The following DUSP1 variants were observed in gnomAD, a reference collection of about 807,000 sequenced individuals.
DUSP1 encodes dual specificity phosphatase 1, also known as dual specificity protein phosphatase 1.
In DUSP1, 10 loss-of-function variants were observed where a neutral mutation model predicts 27.4. The ratio of observed to expected loss-of-function variants is 0.37; its 90% confidence interval spans 0.23 to 0.62. The LOEUF (loss-of-function observed/expected upper bound fraction) is 0.62. Among genes scored for constraint, DUSP1 ranks in the 20% least tolerant of loss-of-function variants. The probability of loss-of-function intolerance (pLI) is 0.68; values close to 1 mark genes in which losing one functional copy is unlikely to be tolerated. For synonymous variants in DUSP1, 262 were observed against 223.6 expected, an observed-to-expected ratio of 1.17 and a Z score of -1.53; for missense variants, 425 against 508.1, an observed-to-expected ratio of 0.84 and a Z score of 1.57.
Position 172,769,752 on chromosome 5 carries a change from C to T in DUSP1, c.556G>A (p.Ala186Thr). Residue 186 changes from alanine to threonine, a missense_variant, in exon 3 of 4, where the codon GCG (alanine) becomes ACG (threonine). Around this residue, in one of 3 missense-constraint regions of DUSP1, gnomAD observed 282 missense variants for 319.3 expected, o/e 0.88. Coordinates refer to ENST00000239223, the MANE Select transcript of DUSP1 (RefSeq NM_004417.4). ...EILPFLYLGS[A>T]YHASRKDMLD... ...ATGTCCTTGCGGGAAGCGTGATACG[C>T]ACTGCCCAGGTACAGAAAGGGCAGG... 6.2e-7 allele frequency: 1 copy of T among 1,614,262 alleles called. No homozygotes were observed. Among genetic ancestry groups the T allele is most frequent in the Non-Finnish European group, 8.5e-7 (1 of 1,180,058 alleles).
chr5:172,771,028 C>A lies in DUSP1; in HGVS notation c.-76G>T. 1.5e-6 allele frequency: 2 copies of A among 1,305,804 alleles called. No individual in the cohort carries two copies. Among genetic ancestry groups the A allele is most frequent in the Non-Finnish European group, 2.0e-6 (2 of 1,024,954 alleles). The allele number at this position is 1,305,804 out of a possible 1,614,324, so 80.9% of individuals were successfully genotyped here. ...GTTCTCGGGGCCAAGGGCAGGGCGG[C>A]GCTTTTCGAGGAAAAGCTAGACCCC... On this transcript the variant is annotated 5_prime_UTR_variant, in exon 1 of 4. Transcript: ENST00000239223.
In DUSP1 at chr5:172,768,867, G is replaced by A. The variant is rs1283076146; in HGVS notation, c.999C>T (p.Thr333=). The A allele has an allele frequency of 2.5e-6, 4 of 1,609,006 alleles. No individual in the cohort carries two copies. The highest frequency in any genetic ancestry group is 3.4e-5 in the Admixed American group (2 of 59,684). ...GGAAGTTGAACACGGTGGTGGTGGA[G>A]GTGCCTCGGTCGAGCACAGCCATGG... ...SPAMAVLDRG[T]STTTVFNFPV... is the part of the protein sequence containing the mutation. The change falls in exon 4 of 4, where the codon ACC becomes ACT. Residue 333 remains threonine (T), a synonymous_variant. Coordinates refer to ENST00000239223, the MANE Select transcript of DUSP1 (RefSeq NM_004417.4).
Position 172,771,055 on chromosome 5 carries a change from G to C in DUSP1, c.-103C>G, listed in dbSNP as rs1759888431. 1 of 1,310,068 alleles carries C rather than the reference G, an allele frequency of 7.6e-7. No individual in the cohort carries two copies. Among genetic ancestry groups the C allele is most frequent in the South Asian group, 1.9e-5 (1 of 52,084 alleles). The allele number at this position is 1,310,068 out of a possible 1,614,324, so 81.2% of individuals were successfully genotyped here. On this transcript the variant is annotated 5_prime_UTR_variant, in exon 1 of 4. Coordinates refer to ENST00000239223, the MANE Select transcript of DUSP1 (RefSeq NM_004417.4). ...CTTTTCGAGGAAAAGCTAGACCCCC[G>C]GGTCTCTCTGCGCCGAACCAAAAGC...
chr5:172,770,220 T>C lies in DUSP1; in HGVS notation c.454A>G (p.Ser152Gly). ...CCAGATTCCGCGCTGTCAGGGACGCTAGTACTCAGGGGAAGGCTGAGCCCC... is the reference window on the plus strand; with the variant it reads ...CCAGATTCCGCGCTGTCAGGGACGCCAGTACTCAGGGGAAGGCTGAGCCCC... ...PMGLSLPLST[S>G]VPDSAESGCS... The change falls in exon 2 of 4, where the codon AGC (serine) becomes GGC (glycine). Residue 152 changes from serine (S) to glycine (G), a missense_variant. By Grantham distance (56) the Ser-to-Gly change is moderately conservative (BLOSUM62 0). Transcript: ENST00000239223. The C allele has an allele frequency of 3.7e-6, 6 of 1,608,530 alleles. No individual in the cohort carries two copies. The highest frequency in any genetic ancestry group is 4.2e-6 in the Non-Finnish European group (5 of 1,178,372).
At position 172,770,865 on chromosome 5, in the gene DUSP1, G is replaced by C; in HGVS notation, c.88C>G (p.Arg30Gly). The change falls in exon 1 of 4, where the codon CGC (arginine) becomes GGC (glycine). Residue 30 changes from arginine to glycine, a missense_variant. Around this residue, in one of 3 missense-constraint regions of DUSP1, gnomAD observed 282 missense variants for 319.3 expected, o/e 0.88. Coordinates refer to ENST00000239223, the MANE Select transcript of DUSP1 (RefSeq NM_004417.4). ...CCGGCGTTGAAAGCGAAGAAGGAGC[G>C]GCAGTCCAGCAGCAGGCATTGCGCC... The part of the protein sequence containing the change: ...RAAQCLLLDC[R>G]SFFAFNAGHI... 6.5e-7 allele frequency: 1 copy of C among 1,530,550 alleles called. No homozygotes were observed. Among genetic ancestry groups the C allele is most frequent in the Non-Finnish European group, 8.7e-7 (1 of 1,143,938 alleles). The allele number at this position is 1,530,550 out of a possible 1,614,324, so 94.8% of individuals were successfully genotyped here. A position where few individuals can be genotyped will look rare whatever the true frequency, so the allele number is the denominator to read the frequency against.
At position 172,769,714 on chromosome 5, in the gene DUSP1, C is replaced by A; in HGVS notation, c.594G>T (p.Leu198Phe). 4 of 1,614,250 alleles carry A rather than the reference C, an allele frequency of 2.5e-6. No individual in the cohort carries two copies. Among genetic ancestry groups the A allele is most frequent in the Non-Finnish European group, 3.4e-6 (4 of 1,180,040 alleles). ...AGACGTTGATCAAGGCAGTGATGCCCAAGGCATCCAGCATGTCCTTGCGGG... is the reference window on the plus strand; with the variant it reads ...AGACGTTGATCAAGGCAGTGATGCCAAAGGCATCCAGCATGTCCTTGCGGG... ...HASRKDMLDA[L>F]GITALINVSA... Residue 198 changes from leucine to phenylalanine, a missense_variant, in exon 3 of 4, where the codon TTG becomes TTT. Leu to Phe is a conservative substitution (Grantham distance 22, BLOSUM62 0). This residue lies in a region of DUSP1 where 282 missense variants were observed against 319.3 expected (regional missense o/e 0.88). Transcript: ENST00000239223.
Position 172,770,906 on chromosome 5 carries a change from A to G in DUSP1, c.47T>C (p.Leu16Pro). 6.5e-7 allele frequency: 1 copy of G among 1,535,368 alleles called. No individual in the cohort carries two copies. The highest frequency in any genetic ancestry group is 2.5e-5 in the East Asian group (1 of 40,596). Residue 16 changes from leucine (L) to proline (P), a missense_variant, in exon 1 of 4, where the codon CTG becomes CCG. This residue lies in a region of DUSP1 where 282 missense variants were observed against 319.3 expected (regional missense o/e 0.88). Coordinates refer to ENST00000239223, the MANE Select transcript of DUSP1 (RefSeq NM_004417.4). ...GTLDAGGLRA[L>P]LGERAAQCLL... ...GCATTGCGCCGCTCGCTCCCCCAGC[A>G]GCGCCCGCAGGCCTCCAGCGTCCAG...
rs369007899 is a variant in DUSP1, at chr5:172,768,962, T to C, written c.904A>G (p.Met302Val). Residue 302 changes from methionine (M) to valine (V), a missense_variant, in exon 4 of 4, where the codon ATG becomes GTG. Around this residue, in one of 3 missense-constraint regions of DUSP1, gnomAD observed 59 missense variants for 108.4 expected, o/e 0.54. Transcript: ENST00000239223. ...GACTCAAACTGCAGCAGCTGGCCCA[T>C]GAAGCTGAAGTTGGGAGAGATGATG... ...RSIISPNFSF[M>V]GQLLQFESQV... 2.5e-6 allele frequency: 4 copies of C among 1,614,080 alleles called. No homozygotes were observed. The African/African-American group carries it at 4.0e-5, about 16-fold the overall frequency.
rs188553172 is a variant in DUSP1, at chr5:172,768,807, C to T, written c.1059G>A (p.Ala353=). ...TAATGGGGCTCTGAAGGTAGCTCAGCGCACTGTTCGTGGAGTGGACAGGGA... is the reference window on the plus strand; with the variant it reads ...TAATGGGGCTCTGAAGGTAGCTCAGTGCACTGTTCGTGGAGTGGACAGGGA... ...VSIPVHSTNS[A]LSYLQSPITT... Residue 353 remains alanine, a synonymous_variant, in exon 4 of 4, where the codon GCG becomes GCA. Transcript: ENST00000239223. 30 of 1,553,798 alleles carry T rather than the reference C, an allele frequency of 1.9e-5. No individual in the cohort carries two copies. Among genetic ancestry groups the T allele is most frequent in the South Asian group, 3.7e-5 (3 of 81,174 alleles).
Position 172,770,588 on chromosome 5 carries a change from T to G in DUSP1, c.365A>C (p.Lys122Thr). ...EARAAQVFFLKGGYEAFSASC... is the reference protein window; with the variant it reads ...EARAAQVFFLTGGYEAFSASC... ...CCCGAGCTTCCCCGAGGGCGTACCT[T>G]TGAGGAAGAAGACTTGCGCGGCGCG... Residue 122 changes from lysine (K) to threonine (T), a missense_variant and splice_region_variant, in exon 1 of 4, where the codon AAA (lysine) becomes ACA (threonine). By Grantham distance (78) the Lys-to-Thr change is moderately conservative. Transcript: ENST00000239223. 7 of 1,384,396 alleles carry G rather than the reference T, an allele frequency of 5.1e-6. No homozygotes were observed. The highest frequency in any genetic ancestry group is 6.5e-6 in the Non-Finnish European group (7 of 1,076,796). 85.8% of individuals were successfully genotyped at this position (1,384,396 alleles called of 1,614,324 possible).
At position 172,770,465 on chromosome 5, in the gene DUSP1, A is replaced by G. The variant is rs547362788; in HGVS notation, c.367+121T>C. On this transcript the variant is annotated intron_variant, in intron 1 of 3. Transcript: ENST00000239223. ...ACAAAGCCAATGACAAGTTCCAGAG[A>G]TAAATGTACTCCAGCGCCCACGCGC... 2.0e-6 allele frequency: 3 copies of G among 1,515,476 alleles called. No individual in the cohort carries two copies. In the East Asian group the frequency reaches 7.5e-5, roughly 38 times the overall value. 93.9% of individuals were successfully genotyped at this position (1,515,476 alleles called of 1,614,324 possible).
chr5:172,769,076 G>A lies in DUSP1; in HGVS notation c.790C>T (p.Arg264Trp), dbSNP rs1323192040. The A allele has an allele frequency of 7.4e-6, 12 of 1,613,694 alleles. No individual in the cohort carries two copies. Among genetic ancestry groups the A allele is most frequent in the Non-Finnish European group, 9.3e-6 (11 of 1,180,038 alleles). ...TAAGCAAGGCAGATGGTGGCTGACCGGGAAATGCCTGCCTGGCAGTGGACA... is the reference window on the plus strand; with the variant it reads ...TAAGCAAGGCAGATGGTGGCTGACCAGGAAATGCCTGCCTGGCAGTGGACA... ...VFVHCQAGIS[R>W]SATICLAYLM... The change falls in exon 4 of 4, where the codon CGG (arginine) becomes TGG (tryptophan). Residue 264 changes from arginine (R) to tryptophan (W), a missense_variant. By Grantham distance (101) the Arg-to-Trp change is moderately radical. Transcript: ENST00000239223.
At position 172,769,591 on chromosome 5, in the gene DUSP1, C is replaced by T. The variant is rs571697121; in HGVS notation, c.717G>A (p.Glu239=). 3.1e-6 allele frequency: 5 copies of T among 1,614,162 alleles called. No homozygotes were observed. Among genetic ancestry groups the T allele is most frequent in the African/African-American group, 1.3e-5 (1 of 75,010 alleles). Residue 239 remains glutamate, a synonymous_variant, in exon 3 of 4, where the codon GAG becomes GAA. Coordinates refer to ENST00000239223, the MANE Select transcript of DUSP1 (RefSeq NM_004417.4). ...TCCATTTACCTATGAAGTCAATGGC[C>T]TCGTTGAACCAGGAGCTGATGTCTG... is the stretch of plus-strand genomic sequence containing the variant. The part of the protein sequence containing the change: ...HKADISSWFN[E]AIDFIDSIKN...
In DUSP1 at chr5:172,770,204, G is replaced by A. The variant is rs1291141411; in HGVS notation, c.470C>T (p.Ala157Val). ...ACTGCAGGAACTGCACCCAGATTCC[G>A]CGCTGTCAGGGACGCTAGTACTCAG... is the stretch of plus-strand genomic sequence containing the variant. ...LPLSTSVPDS[A>V]ESGCSSCSTP... The change falls in exon 2 of 4, where the codon GCG becomes GTG. Residue 157 changes from alanine to valine, a missense_variant. By Grantham distance (64) the Ala-to-Val change is moderately conservative. Coordinates refer to ENST00000239223, the MANE Select transcript of DUSP1 (RefSeq NM_004417.4). 1.9e-6 allele frequency: 3 copies of A among 1,599,616 alleles called. No homozygotes were observed. Among genetic ancestry groups the A allele is most frequent in the Admixed American group, 1.8e-5 (1 of 55,142 alleles).
chr5:172,770,909 G>A lies in DUSP1; in HGVS notation c.44C>T (p.Ala15Val). The A allele has an allele frequency of 5.2e-6, 8 of 1,534,724 alleles. No individual in the cohort carries two copies. The highest frequency in any genetic ancestry group is 7.0e-6 in the Non-Finnish European group (8 of 1,147,490). Residue 15 changes from alanine to valine, a missense_variant, in exon 1 of 4, where the codon GCG becomes GTG. This residue lies in a region of DUSP1 where 282 missense variants were observed against 319.3 expected (regional missense o/e 0.88). Coordinates refer to ENST00000239223, the MANE Select transcript of DUSP1 (RefSeq NM_004417.4). Reference sequence around the variant, plus strand: ...TTGCGCCGCTCGCTCCCCCAGCAGCGCCCGCAGGCCTCCAGCGTCCAGGGT... The same window carrying A: ...TTGCGCCGCTCGCTCCCCCAGCAGCACCCGCAGGCCTCCAGCGTCCAGGGT... ...VGTLDAGGLR[A>V]LLGERAAQCL...
intron 1 of DUSP1, 30 bp from the exon 2 acceptor site, chr5:172,770,336 A>G (rs1437294124): frequency 1.4e-5 from 22 of 1,609,900 alleles, no homozygotes; most frequent in Non-Finnish European, 1.9e-5. Context: ...TTTTTTCCCC[A>G]TTAGTGACAC....
In DUSP1 at chr5:172,768,325, A is replaced by AGGTATTT. The variant is rs1212907011; in HGVS notation, c.*430_*436dup. ...GTACAGTACTCAAAAACAAAAATTG[A>AGGTATTT]GGTATTTGGTTCTTCTAGGAGTAGA... On this transcript the variant is annotated 3_prime_UTR_variant, in exon 4 of 4. Transcript: ENST00000239223. 1.9e-5 allele frequency: 3 copies of AGGTATTT among 154,900 alleles called. No homozygotes were observed. The highest frequency in any genetic ancestry group is 7.2e-5 in the African/African-American group (3 of 41,532). 9.6% of individuals were successfully genotyped at this position (154,900 alleles called of 1,614,324 possible).
At chr5:172,769,521 T>C in intron 3 of DUSP1, 54 bp downstream of exon 3, 9 of 1,600,682 alleles carry the variant, frequency 5.6e-6, no homozygotes, top group Non-Finnish European at 7.7e-6. Flanking sequence ...TTGGGCTTAG[T>C]GGCTAAAATG....
rs34332995 is a variant in DUSP1 at position 172,770,532 on chromosome 5, C to T, written c.367+54G>A. 1.2e-3 allele frequency: 1,770 copies of T among 1,458,258 alleles called. 25 individuals carry two copies. In the African/African-American group the frequency reaches 0.021, roughly 17 times the overall value. The allele number at this position is 1,458,258 out of a possible 1,614,324, so 90.3% of individuals were successfully genotyped here. ...CCCCGGGAGCCGAGAGCCAGGGGTA[C>T]CGGGCAAAACCTCAGGGGTGTGCGG... On this transcript the variant is annotated intron_variant, in intron 1 of 3. Coordinates refer to ENST00000239223, the MANE Select transcript of DUSP1 (RefSeq NM_004417.4).
Sources: gnomAD v4.1 joint callset for allele counts on GRCh38, gnomAD v4.1.1 for gene constraint, gnomAD v4.1.1 regional missense constraint, MANE v1.5 for transcripts, NCBI Gene and HGNC (gene_info 2026-07-23, HGNC 2026-07-21) for gene names.